The following ZNF423 variants were observed in gnomAD, a reference collection of about 807,000 sequenced individuals.
ZNF423 encodes the protein zinc finger protein 423, also known as Ebf-associated zinc finger protein.
ZNF423 carries 12 observed loss-of-function variants against 95.8 expected under a neutral mutation model. That is an observed-to-expected ratio of 0.13 (90% confidence interval 0.08 to 0.20). The LOEUF (loss-of-function observed/expected upper bound fraction) is 0.20, where lower values mean the gene tolerates loss of function less well. Ranked by LOEUF, ZNF423 falls within the 10% of genes least tolerant of loss-of-function variation. The probability of loss-of-function intolerance (pLI) is 1.00; values close to 1 mark genes in which losing one functional copy is unlikely to be tolerated. For missense variants in ZNF423, 1,316 were observed against 1,737.1 expected, an observed-to-expected ratio of 0.76 and a Z score of 4.31; for synonymous variants, 749 against 711.9, an observed-to-expected ratio of 1.05 and a Z score of -0.83.
intron 7 of ZNF423, among the ~76,000 whole-genome samples, chr16:49,517,074 A>T (rs1301404314): frequency 7.9e-5 from 12 of 152,194 alleles, no homozygotes; most frequent in Admixed American, 5.9e-4. Flanking sequence ...AGGACAATAA[A>T]AGCCAGAAAG....
intron 5 of ZNF423, among the ~76,000 whole-genome samples, chr16:49,587,046 C>T (rs1350016915): frequency 6.6e-6 from 1 of 152,164 alleles, no homozygotes; most frequent in Non-Finnish European, 1.5e-5. Flanking sequence ...AATGATTCCA[C>T]AACGGTTTAC....
chr16:49,698,886 C>T (rs1293649262), intron 3 of ZNF423, among the ~76,000 whole-genome samples: 1 of 152,236 alleles, frequency 6.6e-6, no homozygotes, highest in Non-Finnish European at 1.5e-5. Context: ...GTTGATTCTA[C>T]AGCAATTTAG....
At chr16:49,805,510 AG>A (rs2034648519) in intron 1 of ZNF423, among the ~76,000 whole-genome samples, 1 of 152,242 alleles carries the variant, frequency 6.6e-6, no homozygotes, top group Non-Finnish European at 1.5e-5. Flanking sequence ...GAAGTTCACC[AG>A]GCCATCCTGC....
intron 2 of ZNF423, among the ~76,000 whole-genome samples, chr16:49,775,899 G>A (rs1411865530): frequency 1.3e-5 from 2 of 152,190 alleles, no homozygotes; most frequent in Non-Finnish European, 2.9e-5. Context: ...TAAACCTAAC[G>A]CTAAACTTAA....
chr16:49,833,898 A>G (rs190954085), intron 1 of ZNF423, among the ~76,000 whole-genome samples: 1,572 of 152,298 alleles, frequency 0.01, 10 homozygotes, highest in Non-Finnish European at 0.014. Context: ...TGGCTCTTGC[A>G]CTTGGCTCCT....
chr16:49,535,078 C>T (rs868814265), intron 5 of ZNF423, among the ~76,000 whole-genome samples: 1 of 152,160 alleles, frequency 6.6e-6, no homozygotes. Context: ...GCTGCATGCA[C>T]CCCCCAACCC....
chr16:49,517,405 C>T (rs868546247), intron 7 of ZNF423, among the ~76,000 whole-genome samples: 3 of 152,198 alleles, frequency 2.0e-5, no homozygotes, highest in Non-Finnish European at 4.4e-5. Flanking sequence ...AGACAACTGT[C>T]CCTGCATTTC....
rs76890174 is a variant in ZNF423, at chr16:49,795,701, G to A, written c.41-6155C>T. Among the ~76,000 whole-genome samples the A allele has an allele frequency of 7.9e-3, 1,198 of 152,300 alleles. 8 individuals are homozygous for A. The highest frequency in any genetic ancestry group is 0.011 in the Non-Finnish European group (767 of 68,006). ...GGGATGGAGGGGGCTACACAGGGAGGTAGGAACGGGCTCAATCTTAAGACT... is the reference window on the plus strand; with the variant it reads ...GGGATGGAGGGGGCTACACAGGGAGATAGGAACGGGCTCAATCTTAAGACT... On this transcript the variant is annotated intron_variant, in intron 1 of 7. Transcript: ENST00000563137.
At chr16:49,842,309 G>GAGGGGAGGGA (rs1555489897) in intron 1 of ZNF423, among the ~76,000 whole-genome samples, 1 of 20,380 alleles carries the variant, frequency 4.9e-5, no homozygotes, top group Non-Finnish European at 1.0e-4. Flanking sequence ...GAGGGGAGGC[G>GAGGGGAGGGA]AGGGAAGGGA....
intron 1 of ZNF423, among the ~76,000 whole-genome samples, chr16:49,836,010 C>A (rs1487493756): frequency 6.6e-6 from 1 of 152,158 alleles, no homozygotes; most frequent in Non-Finnish European, 1.5e-5. Flanking sequence ...TGTTTTGAAT[C>A]CCTCAGCAAG....
At chr16:49,564,553 C>T (rs1047344478) in intron 5 of ZNF423, among the ~76,000 whole-genome samples, 8 of 152,162 alleles carry the variant, frequency 5.3e-5, no homozygotes, top group African/African-American at 1.2e-4. Flanking sequence ...CAGGGGAAAG[C>T]GAAGGACAGC....
chr16:49,656,767 C>T (rs947471438), intron 3 of ZNF423, among the ~76,000 whole-genome samples: 6 of 152,176 alleles, frequency 3.9e-5, no homozygotes, highest in African/African-American at 1.4e-4. Context: ...ATCCATGTCA[C>T]GTGTTGTCTC....
intron 2 of ZNF423, chr16:49,731,330 C>T: frequency 2.0e-6 from 2 of 985,416 alleles, no homozygotes; most frequent in Non-Finnish European, 1.2e-6. Flanking sequence ...GTTCCTAACA[C>T]ACCTAAACTT....
At chr16:49,810,262 C>T in intron 1 of ZNF423, among the ~76,000 whole-genome samples, 1 of 152,184 alleles carries the variant, frequency 6.6e-6, no homozygotes. Context: ...CCCTTGCCCC[C>T]AGCCCTGCCA....
chr16:49,522,862 T>C (rs1214993146), intron 7 of ZNF423, among the ~76,000 whole-genome samples: 1 of 152,212 alleles, frequency 6.6e-6, no homozygotes, highest in Non-Finnish European at 1.5e-5. Context: ...CTGGTGGGCA[T>C]GTGATCTCTC....
At chr16:49,765,732 A>T (rs1359892834) in intron 2 of ZNF423, among the ~76,000 whole-genome samples, 1 of 152,302 alleles carries the variant, frequency 6.6e-6, no homozygotes, top group African/African-American at 2.4e-5. Context: ...AAAATAAAAA[A>T]ATAAGTCAAA....
intron 2 of ZNF423, among the ~76,000 whole-genome samples, chr16:49,743,104 T>C (rs1017017239): frequency 6.6e-6 from 1 of 151,958 alleles, no homozygotes; most frequent in African/African-American, 2.4e-5. Context: ...AGGACAGAAC[T>C]CTAAGACAAC....
In ZNF423 at chr16:49,672,546, G is replaced by T. The variant is rs117330009; in HGVS notation, c.302-33672C>A. ...TAAAAGCCTCCTGAGGCTGGGCATGGTGGTTCACGCCTGTAATCCCAGCAC... is the reference window on the plus strand; with the variant it reads ...TAAAAGCCTCCTGAGGCTGGGCATGTTGGTTCACGCCTGTAATCCCAGCAC... On this transcript the variant is annotated intron_variant, in intron 3 of 7. Coordinates refer to ENST00000563137, the MANE Select transcript of ZNF423 (RefSeq NM_001379286.1). Among the ~76,000 whole-genome samples, 4 of 152,330 alleles carry T rather than the reference G, an allele frequency of 2.6e-5. No individual in the cohort carries two copies. In the East Asian group the frequency reaches 5.8e-4, roughly 22 times the overall value.
At chr16:49,854,121 T>C in intron 1 of ZNF423, 1 of 985,344 alleles carries the variant, frequency 1.0e-6, no homozygotes, top group South Asian at 4.7e-5. Flanking sequence ...GTCTCTCTTC[T>C]GGTTTCCCTG....
Sources: allele counts gnomAD v4.1 joint callset (sites outside exome capture counted in the v4.1 genomes callset), GRCh38; gene constraint gnomAD v4.1.1; transcripts MANE v1.5; gene names NCBI Gene and HGNC (gene_info 2026-07-23, HGNC 2026-07-21).